ZSWIM6: variants seen among roughly 807,000 people sequenced by gnomAD.
ZSWIM6 encodes the protein zinc finger SWIM domain-containing protein 6.
A neutral mutation model predicts 113.2 loss-of-function variants in ZSWIM6; 9 were observed. That is an observed-to-expected ratio of 0.08 (90% CI 0.05 to 0.14). The LOEUF (loss-of-function observed/expected upper bound fraction) is 0.14. ZSWIM6 is among the 10% of genes least tolerant of loss of function. The pLI is 1.00. For synonymous variants in ZSWIM6, 611 were observed against 606.5 expected (o/e 1.01, Z -0.11); for missense variants, 1,162 against 1,552.2 (o/e 0.75, Z 4.22).
chr5:61,394,853 G>C (rs1365577256), intron 1 of ZSWIM6, among the ~76,000 whole-genome samples: 2 of 152,062 alleles, frequency 1.3e-5, no homozygotes, highest in Non-Finnish European at 2.9e-5. Flanking sequence ...TGCTACAGGG[G>C]GTACTAAGTG....
In ZSWIM6 at chr5:61,518,609, G is replaced by A. The variant is rs188777160; in HGVS notation, c.1334-2654G>A. 3.6e-3 allele frequency among the ~76,000 whole-genome samples: 546 copies of A among 152,228 alleles called. 2 individuals are homozygous for A. Among genetic ancestry groups the A allele is most frequent in the African/African-American group, 0.012 (515 of 41,524 alleles). ...CTTCTTTTGAGAAATGTCTGTTCATGTCCTTTGCCCACTTTTTGATGGGGT... is the reference window on the plus strand; with the variant it reads ...CTTCTTTTGAGAAATGTCTGTTCATATCCTTTGCCCACTTTTTGATGGGGT... On this transcript the variant is annotated intron_variant, in intron 4 of 13. Coordinates refer to ENST00000252744, the MANE Select transcript of ZSWIM6 (RefSeq NM_020928.2).
chr5:61,465,981 A>C (rs1199724622), intron 1 of ZSWIM6, among the ~76,000 whole-genome samples: 1 of 152,234 alleles, frequency 6.6e-6, no homozygotes, highest in Non-Finnish European at 1.5e-5. Context: ...GCCAGCTCAC[A>C]GGATGCAGTC....
At chr5:61,476,891 TG>T (rs1290222067) in intron 2 of ZSWIM6, among the ~76,000 whole-genome samples, 1 of 152,182 alleles carries the variant, frequency 6.6e-6, no homozygotes. Flanking sequence ...TGACCTTGAA[TG>T]GGACCCATTT....
chr5:61,497,270 C>A (rs1371321285), intron 4 of ZSWIM6, among the ~76,000 whole-genome samples: 1 of 152,080 alleles, frequency 6.6e-6, no homozygotes, highest in Non-Finnish European at 1.5e-5. Context: ...GGCCCAGTGT[C>A]CCCCTCCCCA....
intron 1 of ZSWIM6, among the ~76,000 whole-genome samples, chr5:61,397,316 G>T (rs965347616): frequency 2.0e-5 from 3 of 152,096 alleles, no homozygotes; most frequent in Non-Finnish European, 2.9e-5. Context: ...AAATACATTG[G>T]ATTTACCACT....
intron 9 of ZSWIM6, among the ~76,000 whole-genome samples, chr5:61,533,248 A>T (rs976724994): frequency 2.6e-5 from 4 of 152,242 alleles, no homozygotes; most frequent in Non-Finnish European, 4.4e-5. Flanking sequence ...CGGGGAGGCC[A>T]CAGGGCCATT....
chr5:61,338,608 T>C (rs570654639), intron 1 of ZSWIM6, among the ~76,000 whole-genome samples: 1 of 152,338 alleles, frequency 6.6e-6, no homozygotes, highest in Admixed American at 6.5e-5. Flanking sequence ...GAATTTGTTA[T>C]CATACTTAGT....
At chr5:61,334,756 T>C (rs1744354415) in intron 1 of ZSWIM6, among the ~76,000 whole-genome samples, 1 of 152,202 alleles carries the variant, frequency 6.6e-6, no homozygotes, top group Non-Finnish European at 1.5e-5. Context: ...TAATTAACAT[T>C]CTTCCTAGTT....
At chr5:61,478,705 T>G (rs75067645) in intron 2 of ZSWIM6, among the ~76,000 whole-genome samples, 7 of 147,654 alleles carry the variant, frequency 4.7e-5, no homozygotes, top group South Asian at 2.1e-4. Context: ...GTGTGTGTGT[T>G]TGTGTGTGTG....
chr5:61,387,862 G>A (rs1318387164), intron 1 of ZSWIM6, among the ~76,000 whole-genome samples: 2 of 151,470 alleles, frequency 1.3e-5, no homozygotes, highest in Non-Finnish European at 2.9e-5. Context: ...AGTGAGCCGA[G>A]ATCATGCCAC....
At chr5:61,417,222 C>T (rs1746276679) in intron 1 of ZSWIM6, among the ~76,000 whole-genome samples, 1 of 152,090 alleles carries the variant, frequency 6.6e-6, no homozygotes, top group Non-Finnish European at 1.5e-5. Flanking sequence ...ACTGTAGTTG[C>T]AGAAATGAAA....
intron 4 of ZSWIM6, among the ~76,000 whole-genome samples, chr5:61,508,540 T>C (rs1398943158): frequency 6.6e-6 from 1 of 152,200 alleles, no homozygotes; most frequent in African/African-American, 2.4e-5. Context: ...TAATTTAGTT[T>C]TCTATTTTGT....
At chr5:61,465,584 G>C (rs1011329462) in intron 1 of ZSWIM6, among the ~76,000 whole-genome samples, 3 of 152,032 alleles carry the variant, frequency 2.0e-5, no homozygotes, top group Non-Finnish European at 4.4e-5. Flanking sequence ...TGATCACTTG[G>C]ATTCTTGTAA....
intron 1 of ZSWIM6, among the ~76,000 whole-genome samples, chr5:61,334,039 A>G (rs1428155925): frequency 6.6e-6 from 1 of 152,064 alleles, no homozygotes; most frequent in East Asian, 1.9e-4. Flanking sequence ...GTTTTCTGTC[A>G]CCCTCCGAAA....
chr5:61,436,644 T>C (rs1746714088), intron 1 of ZSWIM6, among the ~76,000 whole-genome samples: 1 of 152,220 alleles, frequency 6.6e-6, no homozygotes, highest in Non-Finnish European at 1.5e-5. Flanking sequence ...TATTACTAAA[T>C]ATTAGGCAAT....
intron 1 of ZSWIM6, among the ~76,000 whole-genome samples, chr5:61,397,551 CT>C (rs563022405): frequency 3.7e-4 from 54 of 146,508 alleles, no homozygotes; most frequent in Admixed American, 3.4e-4. Context: ...TTGTGAGTGA[CT>C]TTTTTTTTTT....
At chr5:61,482,630 A>G (rs1208963640) in intron 2 of ZSWIM6, among the ~76,000 whole-genome samples, 2 of 152,208 alleles carry the variant, frequency 1.3e-5, no homozygotes, top group Non-Finnish European at 2.9e-5. Context: ...TGAGTTGTAT[A>G]TAGAGTGAAT....
At position 61,518,266 on chromosome 5, in the gene ZSWIM6, T is replaced by C. The variant is rs571822555; in HGVS notation, c.1334-2997T>C. Among the ~76,000 whole-genome samples the C allele has an allele frequency of 3.3e-3, 506 of 152,054 alleles. 6 individuals are homozygous for C. The highest frequency in any genetic ancestry group is 2.6e-3 in the Non-Finnish European group (179 of 67,968). On this transcript the variant is annotated intron_variant, in intron 4 of 13. Coordinates refer to ENST00000252744, the MANE Select transcript of ZSWIM6 (RefSeq NM_020928.2). ...ATAAACATACGTGTGCATGTGTCTT[T>C]ATAGCAGCATGATTTATAGTCCTTT...
At chr5:61,527,792 A>G (rs1316042141) in intron 7 of ZSWIM6, among the ~76,000 whole-genome samples, 1 of 152,230 alleles carries the variant, frequency 6.6e-6, no homozygotes, top group Non-Finnish European at 1.5e-5. Context: ...AAATCATATT[A>G]TACATTTTAT....
Sources: allele counts gnomAD v4.1 joint callset (sites outside exome capture counted in the v4.1 genomes callset), GRCh38; gene constraint gnomAD v4.1.1; transcripts MANE v1.5; gene names NCBI Gene and HGNC (gene_info 2026-07-23, HGNC 2026-07-21).